SUGP2: variants seen among roughly 807,000 people sequenced by gnomAD.
The protein encoded by SUGP2 is SURP and G-patch domain-containing protein 2.
In SUGP2, 24 loss-of-function variants were observed where a neutral mutation model predicts 90.5. That is an observed-to-expected ratio of 0.27 (90% confidence interval 0.19 to 0.37). SUGP2 has a LOEUF of 0.37. Among genes scored for constraint, SUGP2 ranks in the 10% least tolerant of loss-of-function variants. SUGP2 has a pLI of 1.00. For missense variants in SUGP2, 1,233 were observed against 1,363.3 expected (o/e 0.90, Z 1.51); for synonymous variants, 473 against 513.4 (o/e 0.92, Z 1.06).
intron 2 of SUGP2, among the ~76,000 whole-genome samples, chr19:19,029,094 T>A (rs2059042670): frequency 6.6e-6 from 1 of 152,156 alleles, no homozygotes; most frequent in Admixed American, 6.6e-5. Context: ...ACTTCCTGCC[T>A]CAGCCTCCCA....
In SUGP2 at chr19:19,025,594, T is replaced by G. The variant is rs757405844; in HGVS notation, c.754A>C (p.Thr252Pro). 1.9e-6 allele frequency: 3 copies of G among 1,614,154 alleles called. No individual in the cohort carries two copies. Among genetic ancestry groups the G allele is most frequent in the Admixed American group, 3.3e-5 (2 of 60,010 alleles). The change falls in exon 3 of 11, where the codon ACA becomes CCA. Residue 252 changes from threonine to proline, a missense_variant. Coordinates refer to ENST00000452918, the MANE Select transcript of SUGP2 (RefSeq NM_001017392.5). Reference protein sequence around the residue: ...GKLVTLRNVSTKKIPTVNRIT... With the variant: ...GKLVTLRNVSPKKIPTVNRIT... Reference sequence around the variant, plus strand: ...CGATTCACGGTGGGTATTTTTTTTGTGCTCACATTTCTCAATGTGACAAGT... The same window carrying G: ...CGATTCACGGTGGGTATTTTTTTTGGGCTCACATTTCTCAATGTGACAAGT...
intron 4 of SUGP2, among the ~76,000 whole-genome samples, chr19:19,016,173 C>T (rs562521936): frequency 2.0e-5 from 3 of 152,144 alleles, no homozygotes; most frequent in African/African-American, 7.2e-5. Flanking sequence ...GGACTACAGG[C>T]ACCCGCCACC....
intron 3 of SUGP2, among the ~76,000 whole-genome samples, chr19:19,019,479 T>C (rs754288225): frequency 2.6e-5 from 4 of 152,200 alleles, no homozygotes; most frequent in Admixed American, 6.5e-5. Context: ...CAGAGCAATT[T>C]ATGTATATGC....
Position 19,033,425 on chromosome 19 carries a change from C to T in SUGP2, c.-12+12G>A. ...GAGCCACCCACCGACGACGCCAGGG[C>T]CCGGGCCTCACCCCGAGACCACCGC... On this transcript the variant is annotated intron_variant, in intron 1 of 10. Transcript: ENST00000452918. 7 of 1,365,888 alleles carry T rather than the reference C, an allele frequency of 5.1e-6. No homozygotes were observed. The highest frequency in any genetic ancestry group is 6.6e-6 in the Non-Finnish European group (7 of 1,057,108). 84.6% of individuals were successfully genotyped at this position (1,365,888 alleles called of 1,614,324 possible).
rs748650026 is a variant in SUGP2 at position 19,033,488 on chromosome 19, C to CCCG, written c.-66_-64dup. ...CCCCGCCGCCGCCTCAGGCTCCTCA[C>CCCG]CCGCCGCCGCCGCCGCGCGAGGCGG... is the stretch of plus-strand genomic sequence containing the variant. On this transcript the variant is annotated 5_prime_UTR_variant, in exon 1 of 11. Coordinates refer to ENST00000452918, the MANE Select transcript of SUGP2 (RefSeq NM_001017392.5). 78 of 1,402,678 alleles carry CCCG rather than the reference C, an allele frequency of 5.6e-5. No homozygotes were observed. Among genetic ancestry groups the CCCG allele is most frequent in the South Asian group, 1.8e-4 (13 of 73,448 alleles). 86.9% of individuals were successfully genotyped at this position (1,402,678 alleles called of 1,614,324 possible).
intron 8 of SUGP2, among the ~76,000 whole-genome samples, chr19:18,999,732 C>T (rs2057756389): frequency 6.6e-6 from 1 of 152,212 alleles, no homozygotes; most frequent in Non-Finnish European, 1.5e-5. Context: ...GGCTCCCCGC[C>T]CTCCTCCCTG....
intron 3 of SUGP2, among the ~76,000 whole-genome samples, chr19:19,023,716 T>A (rs1346213514): frequency 2.0e-5 from 3 of 151,860 alleles, no homozygotes; most frequent in African/African-American, 7.3e-5. Context: ...CTGGGCAACA[T>A]GATTCTCTAC....
chr19:19,023,001 T>C (rs2058786585), intron 3 of SUGP2, among the ~76,000 whole-genome samples: 1 of 152,204 alleles, frequency 6.6e-6, no homozygotes, highest in Non-Finnish European at 1.5e-5. Flanking sequence ...ATGTCTGGGC[T>C]GTGAGAGTCC....
In SUGP2 at chr19:19,019,142, T is replaced by C. The variant is rs757702029; in HGVS notation, c.1817A>G (p.Glu606Gly). The C allele has an allele frequency of 4.3e-6, 7 of 1,614,120 alleles. No individual in the cohort carries two copies. In the South Asian group the frequency reaches 6.6e-5, roughly 15 times the overall value. ...AGGGTCCTCTTTGAGAAGAGTTCTC[T>C]CTTTGGGAGACAGGCTGCCTTCGAT... ...RVIEGSLSPKERTLLKEDPAY... is the reference protein window; with the variant it reads ...RVIEGSLSPKGRTLLKEDPAY... The change falls in exon 4 of 11, where the codon GAG becomes GGG. Residue 606 changes from glutamate (E) to glycine (G), a missense_variant. This residue lies in a region of SUGP2 where 540 missense variants were observed against 542.6 expected (regional missense o/e 1.00). Transcript: ENST00000452918.
chr19:18,994,555 G>A (rs1231655923), intron 9 of SUGP2, 69 bp from the exon 10 acceptor site: 3 of 1,580,512 alleles, frequency 1.9e-6, no homozygotes, highest in African/African-American at 1.4e-5. Flanking sequence ...AACTGGGCAT[G>A]GGCACAAACA....
Position 18,992,185 on chromosome 19 carries a change from G to A in SUGP2, c.*1556C>T, listed in dbSNP as rs1427532378. ...CCTGCCTCAGCCTCCTGAGTAGCTG[G>A]GACTACAAGCGCCCGCCACCACGCC... On this transcript the variant is annotated 3_prime_UTR_variant, in exon 11 of 11. Coordinates refer to ENST00000452918, the MANE Select transcript of SUGP2 (RefSeq NM_001017392.5). 6.6e-6 allele frequency: 1 copy of A among 151,786 alleles called. No individual in the cohort carries two copies. 9.4% of individuals were successfully genotyped at this position (151,786 alleles called of 1,614,324 possible). A position where few individuals can be genotyped will look rare whatever the true frequency, so the allele number is the denominator to read the frequency against.
chr19:19,019,000 A>C (rs1363836603), intron 4 of SUGP2, 109 bp downstream of exon 4: 5 of 1,272,434 alleles, frequency 3.9e-6, no homozygotes, highest in African/African-American at 1.5e-5. Flanking sequence ...ACTGGAGAAC[A>C]CCACTTGCTC....
Position 19,004,400 on chromosome 19 carries a change from A to ATCGTCC in SUGP2, c.2691_2696dup (p.Glu897_Asp898dup), listed in dbSNP as rs758309866. The ATCGTCC allele has an allele frequency of 6.2e-7, 1 of 1,613,794 alleles. No homozygotes were observed. Among genetic ancestry groups the ATCGTCC allele is most frequent in the Non-Finnish European group, 8.5e-7 (1 of 1,179,934 alleles). ...CGGGGGCCTCCTCTCCCCCATCCTC[A>ATCGTCC]TCGTCCTCGTCCTCCTCCTCAGGCA... On this transcript the variant is annotated inframe_insertion, in exon 7 of 11. Transcript: ENST00000452918.
Position 19,008,346 on chromosome 19 carries a change from T to C in SUGP2, c.2421A>G (p.Ile807Met). The change falls in exon 6 of 11, where the codon ATA (isoleucine) becomes ATG (methionine). Residue 807 changes from isoleucine to methionine, a missense_variant. Coordinates refer to ENST00000452918, the MANE Select transcript of SUGP2 (RefSeq NM_001017392.5). ...GGTCAGGGTTATCGGTGCTGTTTTCTATGCTGAATTGTTCGATCTCTGGTC... is the reference window on the plus strand; with the variant it reads ...GGTCAGGGTTATCGGTGCTGTTTTCCATGCTGAATTGTTCGATCTCTGGTC... ...QVGPEIEQFS[I>M]ENSTDNPDLW... is the part of the protein sequence containing the mutation. The C allele has an allele frequency of 1.2e-6, 2 of 1,614,220 alleles. No homozygotes were observed. Among genetic ancestry groups the C allele is most frequent in the Non-Finnish European group, 1.7e-6 (2 of 1,180,032 alleles).
rs1450670932 is a variant in SUGP2, at chr19:19,010,273, C to T, written c.1920G>A (p.Met640Ile). 6.2e-7 allele frequency: 1 copy of T among 1,614,072 alleles called. No individual in the cohort carries two copies. The highest frequency in any genetic ancestry group is 2.2e-5 in the East Asian group (1 of 44,876). Residue 640 changes from methionine (M) to isoleucine (I), a missense_variant, in exon 5 of 11, where the codon ATG becomes ATA. Physicochemically the swap from Met to Ile is conservative, Grantham distance 10. Transcript: ENST00000452918. ...GGTCGGCTCCTCGCAAGTTCTCGCT[C>T]ATCCGCTGCATTTCTGCCAACTTCA... ...YKLKLAEMQR[M>I]SENLRGADQK...
At position 19,025,231 on chromosome 19, in the gene SUGP2, A is replaced by G. The variant is rs755464119; in HGVS notation, c.1117T>C (p.Leu373=). 6.2e-7 allele frequency: 1 copy of G among 1,613,210 alleles called. No homozygotes were observed. The highest frequency in any genetic ancestry group is 1.7e-5 in the Admixed American group (1 of 60,012). ...CAAAAATCTCTGTGCTCTGGTTTTA[A>G]GGAACATTTGAATGAGGCAAGCATT... The part of the protein sequence containing the change: ...AKMLASFKCS[L]KPEHRDFCFF... The change falls in exon 3 of 11, where the codon TTA becomes CTA. Residue 373 remains leucine, a synonymous_variant. Coordinates refer to ENST00000452918, the MANE Select transcript of SUGP2 (RefSeq NM_001017392.5).
chr19:19,005,430 TA>T (rs903532595), intron 6 of SUGP2, among the ~76,000 whole-genome samples: 2 of 151,782 alleles, frequency 1.3e-5, no homozygotes, highest in African/African-American at 2.4e-5. Flanking sequence ...TAAAGAAAAA[TA>T]ATATGTAAGA....
chr19:19,032,211 T>A (rs1055549143), intron 1 of SUGP2, among the ~76,000 whole-genome samples: 1 of 150,880 alleles, frequency 6.6e-6, no homozygotes, highest in Non-Finnish European at 1.5e-5. Flanking sequence ...CAGGCTGGAG[T>A]GCAGTGGCAT....
intron 5 of SUGP2, among the ~76,000 whole-genome samples, chr19:19,009,297 G>A (rs1459971203): frequency 6.6e-6 from 1 of 152,072 alleles, no homozygotes; most frequent in Non-Finnish European, 1.5e-5. Flanking sequence ...ACACTTTTTT[G>A]CTCTCTCCTT....
Sources: gnomAD v4.1 joint callset for allele counts (sites outside exome capture counted in the v4.1 genomes callset) on GRCh38, gnomAD v4.1.1 for gene constraint, gnomAD v4.1.1 regional missense constraint, MANE v1.5 for transcripts, NCBI Gene and HGNC (gene_info 2026-07-23, HGNC 2026-07-21) for gene names.